The following MTCL2 variants were observed in gnomAD, a reference collection of about 807,000 sequenced individuals.
The protein encoded by MTCL2 is microtubule cross-linking factor 2.
At chr20:36,859,490 T>G in the MTCL2 span, 1 of 916,886 alleles carries the variant, frequency 1.1e-6, no homozygotes, top group Non-Finnish European at 1.4e-6. Flanking sequence ...CAAGCAATCA[T>G]TCCACAAACC....
the MTCL2 span, among the ~76,000 whole-genome samples, chr20:36,801,691 C>A: frequency 8.5e-5 from 13 of 152,218 alleles, no homozygotes; most frequent in East Asian, 5.8e-4. Context: ...TAAGGCCAGG[C>A]GCGGTGGTTC....
the MTCL2 span, among the ~76,000 whole-genome samples, chr20:36,814,610 G>A: frequency 2.0e-5 from 3 of 152,026 alleles, no homozygotes; most frequent in Non-Finnish European, 4.4e-5. Context: ...ATTATGGCCA[G>A]GCACAGTGGC....
the MTCL2 span, among the ~76,000 whole-genome samples, chr20:36,861,746 G>C: frequency 6.6e-6 from 1 of 152,112 alleles, no homozygotes. Context: ...GTCAACACGT[G>C]CAAGCTGGGC....
At chr20:36,815,646 G>A in the MTCL2 span, 2 of 1,607,498 alleles carry the variant, frequency 1.2e-6, no homozygotes, top group Admixed American at 1.7e-5. The surrounding 1 kb of genome is among the most constrained non-coding windows in gnomAD (Gnocchi z 5.3). Flanking sequence ...CTGGAGGTTG[G>A]AGAGGAGCAC....
At chr20:36,862,708 C>T in the MTCL2 span, 22 of 1,500,276 alleles carry the variant, frequency 1.5e-5, no homozygotes, top group Non-Finnish European at 1.9e-5. Flanking sequence ...CGCACCAAGC[C>T]GCTGGGCCCG....
the MTCL2 span, chr20:36,808,376 C>T: frequency 3.8e-5 from 25 of 663,384 alleles, no homozygotes; most frequent in Admixed American, 5.5e-4. Context: ...AAAAAAGCAA[C>T]GAATGCAGGA....
chr20:36,840,655 G>A, the MTCL2 span, among the ~76,000 whole-genome samples: 9 of 151,818 alleles, frequency 5.9e-5, no homozygotes, highest in East Asian at 1.8e-3. Context: ...GACCATCCTG[G>A]CTAACATGGT....
the MTCL2 span, among the ~76,000 whole-genome samples, chr20:36,820,292 G>C: frequency 1.3e-5 from 2 of 152,226 alleles, no homozygotes; most frequent in East Asian, 1.9e-4. Flanking sequence ...TGAAGTGACA[G>C]AGAGGAGAGC....
the MTCL2 span, chr20:36,859,836 T>C: frequency 8.1e-7 from 1 of 1,231,740 alleles, no homozygotes; most frequent in Non-Finnish European, 1.0e-6. Context: ...TTTCTGCATC[T>C]TAGAGGCAAA....
At chr20:36,839,471 G>T in the MTCL2 span, 1 of 1,604,912 alleles carries the variant, frequency 6.2e-7, no homozygotes, top group Non-Finnish European at 8.5e-7. This position sits in a 1 kb window ranked among gnomAD's most constrained non-coding sequence, Gnocchi z 5.1. Context: ...TCAGGTCACT[G>T]GGCCCACAGT....
At chr20:36,794,260 G>A in the MTCL2 span, 1 of 1,551,204 alleles carries the variant, frequency 6.4e-7, no homozygotes, top group Non-Finnish European at 8.7e-7. This position sits in a 1 kb window ranked among gnomAD's most constrained non-coding sequence, Gnocchi z 5.4. Context: ...GCTCGATAAT[G>A]ATCTTGCCCT....
the MTCL2 span, among the ~76,000 whole-genome samples, chr20:36,792,604 G>T: frequency 1.3e-5 from 2 of 152,066 alleles, no homozygotes; most frequent in African/African-American, 4.8e-5. Flanking sequence ...CCACTGGGTG[G>T]CAGGAGAGCA....
chr20:36,802,208 C>T, the MTCL2 span, among the ~76,000 whole-genome samples: 1 of 152,132 alleles, frequency 6.6e-6, no homozygotes, highest in Admixed American at 6.6e-5. Context: ...ATCACTTGAA[C>T]CTGGGAGGCG....
At chr20:36,815,303 G>A in the MTCL2 span, 2 of 1,613,930 alleles carry the variant, frequency 1.2e-6, no homozygotes, top group Non-Finnish European at 8.5e-7. The surrounding 1 kb of genome is among the most constrained non-coding windows in gnomAD (Gnocchi z 5.3). Flanking sequence ...GGCGCACCAG[G>A]ATGGCATGGA....
chr20:36,785,724 C>T, the MTCL2 span: 3 of 985,502 alleles, frequency 3.0e-6, no homozygotes, highest in South Asian at 9.4e-5. Context: ...AAGGGGTCTG[C>T]TGGGAACGTT....
At chr20:36,838,924 G>A in the MTCL2 span, among the ~76,000 whole-genome samples, 224 of 151,876 alleles carry the variant, frequency 1.5e-3, 2 homozygotes, top group African/African-American at 5.3e-3. Flanking sequence ...AGCTGAGATC[G>A]CGCCATTGCA....
chr20:36,788,931 C>A, the MTCL2 span, among the ~76,000 whole-genome samples: 1 of 151,854 alleles, frequency 6.6e-6, no homozygotes, highest in African/African-American at 2.4e-5. Context: ...CTCAGCCTCC[C>A]GAGTAGCTGG....
chr20:36,807,101 G>A, the MTCL2 span, among the ~76,000 whole-genome samples: 1 of 152,192 alleles, frequency 6.6e-6, no homozygotes, highest in Non-Finnish European at 1.5e-5. Context: ...ATGCTCCCAG[G>A]GGCGGCCCTG....
At chr20:36,782,387 A>T in the MTCL2 span, 1 of 152,244 alleles carries the variant, frequency 6.6e-6, no homozygotes, top group African/African-American at 2.4e-5. Flanking sequence ...GTTGGACCCA[A>T]GTTCTCATCT....
Sources: gnomAD v4.1 joint callset for allele counts (sites outside exome capture counted in the v4.1 genomes callset) on GRCh38, gnomAD v4.1.1 for gene constraint, Gnocchi (gnomAD v3.1) non-coding constraint, MANE v1.5 for transcripts, NCBI Gene and HGNC (gene_info 2026-07-23, HGNC 2026-07-21) for gene names.